NLRP1: variants seen among roughly 807,000 people sequenced by gnomAD.
NLRP1 encodes the protein NACHT, LRR and PYD domains-containing protein 1.
In NLRP1, 94 loss-of-function variants were observed where a neutral mutation model predicts 136.7. The observed-to-expected ratio is 0.69, with a 90% CI of 0.58 to 0.82. NLRP1 has a LOEUF of 0.82. NLRP1 is among the 40% of genes least tolerant of loss of function. The pLI, the probability that NLRP1 is intolerant of heterozygous loss-of-function variation, is 0.00. For missense variants in NLRP1, 1,575 were observed against 1,802.7 expected (o/e 0.87, Z 2.29); for synonymous variants, 690 against 725.1 (o/e 0.95, Z 0.78).
At chr17:5,533,094 G>T in intron 10 of NLRP1, 110 bp from the exon 11 acceptor site, 1 of 1,434,726 alleles carries the variant, frequency 7.0e-7, no homozygotes. Context: ...CTGGACCATG[G>T]CAGGGAGTGT....
chr17:5,512,532 T>TG, downstream of NLRP1: 1 of 593,050 alleles, frequency 1.7e-6, no homozygotes, highest in South Asian at 1.8e-5. Flanking sequence ...GACTGTCCTC[T>TG]TGGAGGAAGG....
At chr17:5,515,179 G>A in intron 16 of NLRP1, 106 bp from the exon 17 acceptor site, 2 of 1,082,564 alleles carry the variant, frequency 1.8e-6, no homozygotes, top group Admixed American at 2.1e-5. Flanking sequence ...TCTGCCTCCA[G>A]AAATGCACCT....
rs199566558 is a variant in NLRP1, at chr17:5,559,387, C to G, written c.1309G>C (p.Asp437His). 1 of 1,613,942 alleles carries G rather than the reference C, an allele frequency of 6.2e-7. No homozygotes were observed. The highest frequency in any genetic ancestry group is 8.5e-7 in the Non-Finnish European group (1 of 1,179,948). ...CCCAGCAAACTGCCCAGCAGTGCAT[C>G]CGCCGGCTGTGGCTGGCTCCAGTGC... ...CLHWSQPQPADALLGSLLGKT... is the reference protein window; with the variant it reads ...CLHWSQPQPAHALLGSLLGKT... The change falls in exon 4 of 17, where the codon GAT (aspartate) becomes CAT (histidine). Residue 437 changes from aspartate (D) to histidine (H), a missense_variant. Coordinates refer to ENST00000572272, the MANE Select transcript of NLRP1 (RefSeq NM_033004.4).
Position 5,533,483 on chromosome 17 carries a change from A to G in NLRP1, c.3053-99T>C, listed in dbSNP as rs982037095. 2.0e-5 allele frequency: 13 copies of G among 662,094 alleles called. No homozygotes were observed. The African/African-American group carries it at 2.1e-4, about 11-fold the overall frequency. The allele number at this position is 662,094 out of a possible 1,614,324, so 41.0% of individuals were successfully genotyped here. A position where few individuals can be genotyped will look rare whatever the true frequency, so the allele number is the denominator to read the frequency against. On this transcript the variant is annotated intron_variant, in intron 9 of 16. Coordinates refer to ENST00000572272, the MANE Select transcript of NLRP1 (RefSeq NM_033004.4). ...AGGTGGGAGGATTGTTTGAGCTCAG[A>G]AGGTTTAGGCTGCAGTGAGCCATGA...
intron 4 of NLRP1, among the ~76,000 whole-genome samples, chr17:5,555,486 C>T (rs1913929225): frequency 6.6e-6 from 1 of 152,168 alleles, no homozygotes; most frequent in Non-Finnish European, 1.5e-5. Flanking sequence ...CACTTGCTCC[C>T]GCCCATCCCA....
Position 5,530,472 on chromosome 17 carries a change from G to C in NLRP1, c.3520+9C>G, listed in dbSNP as rs2151754532. On this transcript the variant is annotated intron_variant, in intron 12 of 16. Transcript: ENST00000572272. ...ACCACCTTCCTCCCTATCCTTCCCT[G>C]TTGTTTACCTTGGAGAGCCACAAAG... The C allele has an allele frequency of 1.2e-6, 2 of 1,610,252 alleles. No individual in the cohort carries two copies. The highest frequency in any genetic ancestry group is 3.3e-5 in the Admixed American group (2 of 59,988).
chr17:5,515,494 G>T lies in NLRP1; in HGVS notation c.4081C>A (p.Leu1361Met), dbSNP rs779490855. 3 of 1,613,780 alleles carry T rather than the reference G, an allele frequency of 1.9e-6. No homozygotes were observed. The highest frequency in any genetic ancestry group is 2.2e-5 in the South Asian group (2 of 91,058). The change falls in exon 16 of 17, where the codon CTG (leucine) becomes ATG (methionine). Residue 1361 changes from leucine (L) to methionine (M), a missense_variant. Coordinates refer to ENST00000572272, the MANE Select transcript of NLRP1 (RefSeq NM_033004.4). ...TGACCTATGCGGGCTGGAGGGATCA[G>T]AGTAGTTGCAGGCATGAGATCTCCT... Reference protein sequence around the residue: ...KPGDLMPATTLIPPARIAVPS... With the variant: ...KPGDLMPATTMIPPARIAVPS...
intron 3 of NLRP1, among the ~76,000 whole-genome samples, chr17:5,564,447 T>C (rs975070780): frequency 3.3e-5 from 5 of 152,186 alleles, no homozygotes; most frequent in Non-Finnish European, 7.3e-5. Flanking sequence ...AGTGAGAACA[T>C]GTGATGTTTG....
intron 3 of NLRP1, among the ~76,000 whole-genome samples, chr17:5,575,133 T>C (rs1164140097): frequency 6.6e-6 from 1 of 152,002 alleles, no homozygotes; most frequent in African/African-American, 2.4e-5. Context: ...GCACTAAACA[T>C]GGAAAGGAAC....
At chr17:5,543,821 C>T (rs1471046422) in intron 5 of NLRP1, among the ~76,000 whole-genome samples, 1 of 152,046 alleles carries the variant, frequency 6.6e-6, no homozygotes, top group Non-Finnish European at 1.5e-5. Flanking sequence ...CCAGGGAGGC[C>T]TCAAGGTTGG....
At chr17:5,511,949 T>C (rs1597388507), downstream of NLRP1, 3 of 433,814 alleles carry the variant, frequency 6.9e-6, no homozygotes, top group East Asian at 1.7e-4. Context: ...AGTATAGTCC[T>C]GGCTACAAGG....
chr17:5,513,374 G>A (rs1597389156), downstream of NLRP1, among the ~76,000 whole-genome samples: 1 of 152,280 alleles, frequency 6.6e-6, no homozygotes, highest in East Asian at 1.9e-4. Context: ...TTACATGCAT[G>A]AGCCACCATG....
At position 5,553,696 on chromosome 17, in the gene NLRP1, G is replaced by GC. The variant is rs914763289; in HGVS notation, c.2358-141dup. 9.9e-6 allele frequency: 6 copies of GC among 608,522 alleles called. No homozygotes were observed. In the African/African-American group the frequency reaches 1.3e-4, roughly 13 times the overall value. 37.7% of individuals were successfully genotyped at this position (608,522 alleles called of 1,614,324 possible). On this transcript the variant is annotated intron_variant, in intron 4 of 16. Transcript: ENST00000572272. ...GTAGTGCCATCTCCAGTACTGACCA[G>GC]CCCTCCCTGCCTGTCTGCCCGTCAC...
At chr17:5,515,587 A>C in intron 15 of NLRP1, 70 bp from the exon 16 acceptor site, 2 of 1,172,114 alleles carry the variant, frequency 1.7e-6, no homozygotes, top group Non-Finnish European at 2.6e-6. Context: ...GTACACCTCC[A>C]AGCTCCCACT....
chr17:5,521,623 G>A lies in NLRP1; in HGVS notation c.3684C>T (p.Phe1228=). 1.9e-6 allele frequency: 3 copies of A among 1,614,158 alleles called. No homozygotes were observed. Among genetic ancestry groups the A allele is most frequent in the Non-Finnish European group, 2.5e-6 (3 of 1,180,032 alleles). Residue 1228 remains phenylalanine, a synonymous_variant, in exon 13 of 17, where the codon TTC becomes TTT. Coordinates refer to ENST00000572272, the MANE Select transcript of NLRP1 (RefSeq NM_033004.4). ...LLKMIHNALR[F]IPVTSVVLLY... ...GCAACACCACAGAGGTGACGGGAAT[G>A]AAGCGCAGGGCATTATGGATCATTT...
chr17:5,536,935 T>C lies in NLRP1; in HGVS notation c.2876A>G (p.Asp959Gly). The C allele has an allele frequency of 6.2e-7, 1 of 1,612,578 alleles. No homozygotes were observed. The highest frequency in any genetic ancestry group is 8.5e-7 in the Non-Finnish European group (1 of 1,178,602). The change falls in exon 8 of 17, where the codon GAC (aspartate) becomes GGC (glycine). Residue 959 changes from aspartate to glycine, a missense_variant. By Grantham distance (94) the Asp-to-Gly change is moderately conservative (BLOSUM62 -1). Coordinates refer to ENST00000572272, the MANE Select transcript of NLRP1 (RefSeq NM_033004.4). ...PACKLIRLGL[D>G]QTTLSDEMRQ... The stretch of plus-strand genomic sequence containing the variant: ...CATCTCATCACTCAGAGTTGTCTGG[T>C]CCAGCCTGAAAGCACAAAGGGAGCC...
At chr17:5,517,350 A>ACCACC (rs1555542024) in intron 15 of NLRP1, among the ~76,000 whole-genome samples, 5 of 47,382 alleles carry the variant, frequency 1.1e-4, no homozygotes, top group Non-Finnish European at 1.7e-4. Flanking sequence ...TGCACTCTGC[A>ACCACC]CCCCCCCCCC....
At chr17:5,571,691 T>C (rs1904370101) in intron 3 of NLRP1, among the ~76,000 whole-genome samples, 1 of 152,206 alleles carries the variant, frequency 6.6e-6, no homozygotes, top group African/African-American at 2.4e-5. Flanking sequence ...AATTTACAGA[T>C]TCAATGCTAT....
Position 5,530,724 on chromosome 17 carries a change from G to T in NLRP1, c.3297-20C>A, listed in dbSNP as rs892702020. The T allele has an allele frequency of 6.3e-7, 1 of 1,594,608 alleles. No homozygotes were observed. Among genetic ancestry groups the T allele is most frequent in the Non-Finnish European group, 8.6e-7 (1 of 1,163,982 alleles). On this transcript the variant is annotated intron_variant, in intron 11 of 16. Transcript: ENST00000572272. The stretch of plus-strand genomic sequence containing the variant: ...TGAACTCTGGGAAGAAGAGGGAGAG[G>T]CAGACACTTACTGCACGAACTCACT...
Sources: gnomAD v4.1 joint callset for allele counts (sites outside exome capture counted in the v4.1 genomes callset) on GRCh38, gnomAD v4.1.1 for gene constraint, MANE v1.5 for transcripts, NCBI Gene and HGNC (gene_info 2026-07-23, HGNC 2026-07-21) for gene names.